KMT2D: variants seen among roughly 807,000 people sequenced by gnomAD.
The protein encoded by KMT2D is lysine methyltransferase 2D.
Under a neutral mutation model 512.7 loss-of-function variants are expected in KMT2D, and 55 were observed. The ratio of observed to expected loss-of-function variants is 0.11; its 90% CI spans 0.09 to 0.13. KMT2D has a LOEUF of 0.13. Among genes scored for constraint, KMT2D ranks in the 10% least tolerant of loss-of-function variants. KMT2D has a pLI of 1.00. For missense variants in KMT2D, 6,061 were observed against 7,127.9 expected (o/e 0.85, Z 5.39); for synonymous variants, 2,995 against 2,904.0 (o/e 1.03, Z -1.01).
Position 49,026,999 on chromosome 12 carries a change from C to A in KMT2D, c.14967G>T (p.Arg4989=), listed in dbSNP as rs1235431246. 6.2e-7 allele frequency: 1 copy of A among 1,613,948 alleles called. No homozygotes were observed. Among genetic ancestry groups the A allele is most frequent in the Non-Finnish European group, 8.5e-7 (1 of 1,179,910 alleles). The part of the protein sequence containing the change: ...LKKWKGVRWK[R]LRLLLTIQKG... ...TCTGGATGGTCAGCAGCAGCCGAAG[C>A]CGCTTCCAGCGCACTCCTTTCCATT... Residue 4989 remains arginine, a synonymous_variant, in exon 49 of 55, where the codon CGG becomes CGT. Transcript: ENST00000301067. The surrounding 1 kb of genome is among the most constrained non-coding windows in gnomAD (Gnocchi z 9.6).
intron 25 of KMT2D, 65 bp downstream of exon 25, chr12:49,043,298 G>A (rs1943623757): frequency 6.4e-7 from 1 of 1,567,572 alleles, no homozygotes; most frequent in East Asian, 2.2e-5. Context: ...AATGCTCAGG[G>A]GCACAGCAGA....
In KMT2D at chr12:49,054,691, C is replaced by T. The variant is rs2120712622; in HGVS notation, c.237G>A (p.Gln79=). Residue 79 remains glutamine, a synonymous_variant, in exon 4 of 55, where the codon CAG becomes CAA. Coordinates refer to ENST00000301067, the MANE Select transcript of KMT2D (RefSeq NM_003482.4). The surrounding 1 kb of genome is among the most constrained non-coding windows in gnomAD (Gnocchi z 6.4). ...CNCGEPSLHG[Q]RELRRFELPF... is the part of the protein sequence containing the mutation. Reference sequence around the variant, plus strand: ...GCAACTCAAAGCGCCGTAGCTCCCGCTGCCCGTGTAGACTGGGCTCCCCGC... The same window carrying T: ...GCAACTCAAAGCGCCGTAGCTCCCGTTGCCCGTGTAGACTGGGCTCCCCGC... 1 of 1,613,172 alleles carries T rather than the reference C, an allele frequency of 6.2e-7. No homozygotes were observed. Among genetic ancestry groups the T allele is most frequent in the Non-Finnish European group, 8.5e-7 (1 of 1,179,476 alleles).
At chr12:49,030,547 C>G in intron 42 of KMT2D, 54 bp downstream of exon 42, 1 of 1,511,702 alleles carries the variant, frequency 6.6e-7, no homozygotes, top group East Asian at 2.3e-5. Flanking sequence ...CTATTCCCAC[C>G]CTCACCTTCC....
chr12:49,019,766 T>C lies in KMT2D; in HGVS notation c.*2014A>G, dbSNP rs1021662354. 8.6e-6 allele frequency: 2 copies of C among 232,706 alleles called. No homozygotes were observed. The highest frequency in any genetic ancestry group is 4.4e-5 in the African/African-American group (2 of 45,198). The allele number at this position is 232,706 out of a possible 1,614,324, so 14.4% of individuals were successfully genotyped here. A position where few individuals can be genotyped will look rare whatever the true frequency, so the allele number is the denominator to read the frequency against. ...TGGGGGCTGTTATTCTCTTAAACAT[T>C]TGCAGCTTGAAACAGTTGAGGAAGC... On this transcript the variant is annotated 3_prime_UTR_variant, in exon 55 of 55. Transcript: ENST00000301067.
At position 49,040,550 on chromosome 12, in the gene KMT2D, G is replaced by A. The variant is rs557710295; in HGVS notation, c.7220C>T (p.Pro2407Leu). Residue 2407 changes from proline to leucine, a missense_variant, in exon 32 of 55, where the codon CCT becomes CTT. Coordinates refer to ENST00000301067, the MANE Select transcript of KMT2D (RefSeq NM_003482.4). ...ALPPRSLPSDPFSRVPASPQS... is the reference protein window; with the variant it reads ...ALPPRSLPSDLFSRVPASPQS... ...AGGACTGGCAGGCACTCGGGAGAAA[G>A]GGTCGGAGGGCAGTGAGCGAGGGGG... 4 of 1,608,914 alleles carry A rather than the reference G, an allele frequency of 2.5e-6. No individual in the cohort carries two copies. In the African/African-American group the frequency reaches 4.0e-5, roughly 16 times the overall value.
At position 49,020,986 on chromosome 12, in the gene KMT2D, A is replaced by ACC. The variant is rs747292711; in HGVS notation, c.*792_*793dup. 2 of 193,304 alleles carry ACC rather than the reference A, an allele frequency of 1.0e-5. No individual in the cohort carries two copies. The highest frequency in any genetic ancestry group is 4.7e-5 in the African/African-American group (2 of 42,684). The allele number at this position is 193,304 out of a possible 1,614,324, so 12.0% of individuals were successfully genotyped here. On this transcript the variant is annotated 3_prime_UTR_variant, in exon 55 of 55. Transcript: ENST00000301067. Reference sequence around the variant, plus strand: ...TGTTGTTGTTTTTCTTCCTCCTCCTACCCCCCTTCCACCCACTCAGAAGAG... The same window carrying ACC: ...TGTTGTTGTTTTTCTTCCTCCTCCTACCCCCCCCTTCCACCCACTCAGAAGAG...
In KMT2D at chr12:49,054,938, A is replaced by G; in HGVS notation, c.138T>C (p.Ser46=). The change falls in exon 3 of 55, where the codon TCT becomes TCC. Residue 46 remains serine, a synonymous_variant. Coordinates refer to ENST00000301067, the MANE Select transcript of KMT2D (RefSeq NM_003482.4). This position sits in a 1 kb window ranked among gnomAD's most constrained non-coding sequence, Gnocchi z 6.4. ...GAGTCTCCTGAAGCCTGGGACTCCC[A>G]GAACTAAGGACAGAGACCTCTCCCA... ...PHVGEVSVLS[S]GSPRLQETPQ... is the part of the protein sequence containing the mutation. 1 of 1,614,064 alleles carries G rather than the reference A, an allele frequency of 6.2e-7. No homozygotes were observed.
chr12:49,030,178 G>T, intron 43 of KMT2D, 102 bp downstream of exon 43: 1 of 1,021,282 alleles, frequency 9.8e-7, no homozygotes, highest in Non-Finnish European at 1.5e-6. Flanking sequence ...TAAACACACA[G>T]GACAGCAGGC....
In KMT2D at chr12:49,044,257, T is replaced by C. The variant is rs794727342; in HGVS notation, c.5131A>G (p.Lys1711Glu). Reference sequence around the variant, plus strand: ...TCCGCCTGTGCAGCAGGCCCCTTTTTCGTGCGTGTGTGGGATTTCCGCTGT... The same window carrying C: ...TCCGCCTGTGCAGCAGGCCCCTTTTCCGTGCGTGTGTGGGATTTCCGCTGT... ...VRQRKSHTRTKKGPAAQAEVL... is the reference protein window; with the variant it reads ...VRQRKSHTRTEKGPAAQAEVL... Residue 1711 changes from lysine (K) to glutamate (E), a missense_variant, in exon 22 of 55, where the codon AAA becomes GAA. This residue lies in a region of KMT2D where 640 missense variants were observed against 814.3 expected (regional missense o/e 0.79). Coordinates refer to ENST00000301067, the MANE Select transcript of KMT2D (RefSeq NM_003482.4). The surrounding 1 kb of genome is among the most constrained non-coding windows in gnomAD (Gnocchi z 6.4). 6.8e-6 allele frequency: 11 copies of C among 1,613,060 alleles called. No homozygotes were observed. Among genetic ancestry groups the C allele is most frequent in the Non-Finnish European group, 9.3e-6 (11 of 1,179,882 alleles).
chr12:49,029,024 T>A (rs2120389911), intron 45 of KMT2D, 37 bp downstream of exon 45: 1 of 1,605,806 alleles, frequency 6.2e-7, no homozygotes, highest in East Asian at 2.2e-5. Flanking sequence ...ACAACCCAGG[T>A]GAACTGGGCC....
chr12:49,052,491 G>A, intron 10 of KMT2D, 67 bp from the exon 11 acceptor site: 1 of 1,567,362 alleles, frequency 6.4e-7, no homozygotes, highest in South Asian at 1.1e-5. Context: ...GTGGGGTCTG[G>A]GGCAATGCAC....
At position 49,060,593 on chromosome 12, in the gene KMT2D, C is replaced by T. The variant is rs978938380; in HGVS notation, c.-1018G>A. Among the ~76,000 whole-genome samples the T allele has an allele frequency of 6.6e-6, 1 of 152,186 alleles. No individual in the cohort carries two copies. Among genetic ancestry groups the T allele is most frequent in the Admixed American group, 6.5e-5 (1 of 15,286 alleles). On this transcript the variant is annotated 5_prime_UTR_variant, in exon 1 of 55. Transcript: ENST00000301067. ...AGTAGTGCAGCGCGGCGCCGCTCCG[C>T]CTCCCCCCCTCCGCCTCCTGTTCGG...
In KMT2D at chr12:49,054,858, G is replaced by C; in HGVS notation, c.176+42C>G. The C allele has an allele frequency of 6.2e-7, 1 of 1,606,884 alleles. No homozygotes were observed. The highest frequency in any genetic ancestry group is 8.5e-7 in the Non-Finnish European group (1 of 1,174,510). On this transcript the variant is annotated intron_variant, in intron 3 of 54. Transcript: ENST00000301067. The surrounding 1 kb of genome is among the most constrained non-coding windows in gnomAD (Gnocchi z 6.4). ...TTTTCCTAAATTCTCTTCCTTGAAA[G>C]CCCTAGACTCTCAAATCCTCATGTG...
Position 49,031,472 on chromosome 12 carries a change from G to C in KMT2D, c.13233C>G (p.Ser4411=). 6.2e-7 allele frequency: 1 copy of C among 1,613,604 alleles called. No individual in the cohort carries two copies. Among genetic ancestry groups the C allele is most frequent in the Non-Finnish European group, 8.5e-7 (1 of 1,179,816 alleles). ...GAGGTTCCTGCTTGATGCTGAGTTG[G>C]GATGCCTCAGGCACCACCTGTCCAT... The part of the protein sequence containing the change: ...QVNGQVVPEA[S]QLSIKQEPRE... Residue 4411 remains serine, a synonymous_variant, in exon 40 of 55, where the codon TCC becomes TCG. Transcript: ENST00000301067.
intron 6 of KMT2D, 47 bp downstream of exon 6, chr12:49,053,931 C>A (rs1295342817): frequency 6.3e-7 from 1 of 1,584,546 alleles, no homozygotes; most frequent in East Asian, 2.2e-5. Context: ...ATCCAAGGCA[C>A]ATTTGGTCTC....
chr12:49,047,464 G>A (rs1943847675), intron 15 of KMT2D, among the ~76,000 whole-genome samples: 1 of 141,468 alleles, frequency 7.1e-6, no homozygotes, highest in Non-Finnish European at 1.5e-5. Flanking sequence ...CCAGGCTGGA[G>A]TGGAGTACAG....
intron 6 of KMT2D, 126 bp from the exon 7 acceptor site, chr12:49,053,767 C>G (rs1315667203): frequency 8.5e-7 from 1 of 1,178,684 alleles, no homozygotes; most frequent in Non-Finnish European, 1.2e-6. Context: ...GAGTGCCTGC[C>G]CAACGTCTGC....
rs1274883738 is a variant in KMT2D, at chr12:49,026,449, C to T, written c.15517G>A (p.Glu5173Lys). The change falls in exon 49 of 55, where the codon GAA becomes AAA. Residue 5173 changes from glutamate (E) to lysine (K), a missense_variant. This residue lies in a region of KMT2D where 261 missense variants were observed against 440.7 expected (regional missense o/e 0.59). Transcript: ENST00000301067. This position sits in a 1 kb window ranked among gnomAD's most constrained non-coding sequence, Gnocchi z 9.6. ...KQIASIIQRG[E>K]RLHMFRVGGL... ...CCCACACGGAACATGTGCAGCCGTT[C>T]TCCCCGCTGAATGATGCTAGCGATT... 1 of 1,613,860 alleles carries T rather than the reference C, an allele frequency of 6.2e-7. No individual in the cohort carries two copies. The highest frequency in any genetic ancestry group is 8.5e-7 in the Non-Finnish European group (1 of 1,179,904).
rs759308837 is a variant in KMT2D at position 49,032,089 on chromosome 12, C to G, written c.12616G>C (p.Ala4206Pro). The G allele has an allele frequency of 2.5e-6, 4 of 1,613,778 alleles. No homozygotes were observed. In the African/African-American group the frequency reaches 5.3e-5, roughly 22 times the overall value. The change falls in exon 40 of 55, where the codon GCC becomes CCC. Residue 4206 changes from alanine to proline, a missense_variant. Around this residue, in one of 16 missense-constraint regions of KMT2D, gnomAD observed 1,600 missense variants for 1,754.9 expected, o/e 0.91. Coordinates refer to ENST00000301067, the MANE Select transcript of KMT2D (RefSeq NM_003482.4). ...QLRAQLQGVLAKNPQLRHLSP... is the reference protein window; with the variant it reads ...QLRAQLQGVLPKNPQLRHLSP... ...AAGTGCCGCAGCTGTGGGTTTTTGG[C>G]CAGGACTCCTTGGAGCTGTGCTCGA...
Sources: allele counts gnomAD v4.1 joint callset (sites outside exome capture counted in the v4.1 genomes callset), GRCh38; gene constraint gnomAD v4.1.1; regional missense constraint gnomAD v4.1.1; non-coding constraint Gnocchi (gnomAD v3.1); transcripts MANE v1.5; gene names NCBI Gene and HGNC (gene_info 2026-07-23, HGNC 2026-07-21).